AKAP13: variants seen among roughly 807,000 people sequenced by gnomAD.
AKAP13 encodes the protein A-kinase anchoring protein 13.
A neutral mutation model predicts 264.5 loss-of-function variants in AKAP13; 80 were observed. The ratio of observed to expected loss-of-function variants is 0.30; its 90% CI spans 0.25 to 0.36. The LOEUF (loss-of-function observed/expected upper bound fraction) is 0.36. Among genes scored for constraint, AKAP13 ranks in the 10% least tolerant of loss-of-function variants. The probability of loss-of-function intolerance (pLI) is 1.00; values close to 1 mark genes in which losing one functional copy is unlikely to be tolerated. For missense variants in AKAP13, 3,712 were observed against 3,435.2 expected (o/e 1.08, Z -2.01); for synonymous variants, 1,380 against 1,250.2 (o/e 1.10, Z -2.19).
chr15:85,744,161 G>A, intron 36 of AKAP13: 1 of 325,806 alleles, frequency 3.1e-6, no homozygotes, highest in South Asian at 4.1e-5. Context: ...GCTAGCATTT[G>A]GTGATTTAAC....
At chr15:85,564,480 A>G (rs2078533272) in intron 5 of AKAP13, among the ~76,000 whole-genome samples, 1 of 152,244 alleles carries the variant, frequency 6.6e-6, no homozygotes, top group African/African-American at 2.4e-5. Context: ...CAGTGCATTT[A>G]TCAAAATTAG....
chr15:85,609,566 T>C (rs2151386746), intron 8 of AKAP13, among the ~76,000 whole-genome samples: 1 of 152,372 alleles, frequency 6.6e-6, no homozygotes, highest in South Asian at 2.1e-4. Context: ...GCAAACAGTA[T>C]ACTAAACATG....
At chr15:85,740,775 A>ACCCCCCCCCCCCCCCCCCCC (rs34080252) in intron 34 of AKAP13, among the ~76,000 whole-genome samples, 1 of 67,388 alleles carries the variant, frequency 1.5e-5, no homozygotes, top group African/African-American at 7.2e-5. Flanking sequence ...ACACACAACC[A>ACCCCCCCCCCCCCCCCCCCC]CCCCCCCCCC....
rs543707057 is a variant in AKAP13 at position 85,594,689 on chromosome 15, A to G, written c.4161+8866A>G. Among the ~76,000 whole-genome samples, 5 of 152,320 alleles carry G rather than the reference A, an allele frequency of 3.3e-5. No homozygotes were observed. In the South Asian group the frequency reaches 8.3e-4, roughly 25 times the overall value. On this transcript the variant is annotated intron_variant, in intron 8 of 36. Transcript: ENST00000394518. ...CTGCTTGTTTTTGCCTGTAAAAGAG[A>G]AAGTTTCCATAGTAGAAAATTAAAA...
At chr15:85,615,970 A>T (rs1413785696) in intron 8 of AKAP13, among the ~76,000 whole-genome samples, 1 of 152,190 alleles carries the variant, frequency 6.6e-6, no homozygotes, top group Non-Finnish European at 1.5e-5. Context: ...TAGGAAGACA[A>T]AGAACCCTTG....
At chr15:85,508,828 C>G (rs1022369152) in intron 2 of AKAP13, among the ~76,000 whole-genome samples, 1 of 152,126 alleles carries the variant, frequency 6.6e-6, no homozygotes, top group African/African-American at 2.4e-5. Context: ...CCCTTGCACT[C>G]GATATATTCC....
intron 2 of AKAP13, among the ~76,000 whole-genome samples, chr15:85,517,353 T>A (rs2076643376): frequency 6.6e-6 from 1 of 151,798 alleles, no homozygotes; most frequent in Non-Finnish European, 1.5e-5. Flanking sequence ...CATCACACTT[T>A]TTTTTTTCCC....
At chr15:85,471,150 G>T (rs1447365243) in intron 1 of AKAP13, among the ~76,000 whole-genome samples, 1 of 152,176 alleles carries the variant, frequency 6.6e-6, no homozygotes, top group African/African-American at 2.4e-5. Flanking sequence ...AAGCATTACA[G>T]CATTATAAAG....
intron 2 of AKAP13, among the ~76,000 whole-genome samples, chr15:85,518,253 T>C (rs2076682415): frequency 6.6e-6 from 1 of 152,190 alleles, no homozygotes; most frequent in South Asian, 2.1e-4. Context: ...TTCTACTCAT[T>C]TAATCTTTAA....
At chr15:85,619,877 G>C (rs774731690) in intron 8 of AKAP13, 74 of 1,405,382 alleles carry the variant, frequency 5.3e-5, no homozygotes, top group African/African-American at 2.9e-4. Flanking sequence ...TTATCAGCAA[G>C]TTCTCAGTCA....
At chr15:85,460,172 A>G (rs148992739) in intron 1 of AKAP13, among the ~76,000 whole-genome samples, 5 of 152,294 alleles carry the variant, frequency 3.3e-5, no homozygotes, top group African/African-American at 9.6e-5. Context: ...ATATTAGTCT[A>G]TAATTGTTTC....
intron 1 of AKAP13, among the ~76,000 whole-genome samples, chr15:85,413,832 A>G (rs1476813905): frequency 6.6e-6 from 1 of 152,180 alleles, no homozygotes; most frequent in Non-Finnish European, 1.5e-5. Flanking sequence ...ACTCAACTTT[A>G]TATTACATAG....
At chr15:85,686,907 G>A (rs1207767613) in intron 16 of AKAP13, among the ~76,000 whole-genome samples, 1 of 152,116 alleles carries the variant, frequency 6.6e-6, no homozygotes, top group Non-Finnish European at 1.5e-5. Context: ...AATTCAAAAT[G>A]TTTTCATTGT....
rs143308206 is a variant in AKAP13, at chr15:85,626,190, C to G, written c.4162-13184C>G. ...TCTAACTGTGTGGGCTGCCTGACTA[C>G]TTTTCTCTAAACAAGCTTGCATATC... is the stretch of plus-strand genomic sequence containing the variant. On this transcript the variant is annotated intron_variant, in intron 8 of 36. Transcript: ENST00000394518. 6.3e-3 allele frequency among the ~76,000 whole-genome samples: 957 copies of G among 152,324 alleles called. 11 individuals are homozygous for G. Among genetic ancestry groups the G allele is most frequent in the African/African-American group, 0.022 (898 of 41,568 alleles).
chr15:85,520,725 T>G (rs752805910), intron 2 of AKAP13: 2 of 518,602 alleles, frequency 3.9e-6, no homozygotes, highest in African/African-American at 3.9e-5. Context: ...AGACCGAGAG[T>G]TGAACATGTT....
intron 8 of AKAP13, among the ~76,000 whole-genome samples, chr15:85,597,306 G>A (rs2079861459): frequency 6.6e-6 from 1 of 152,144 alleles, no homozygotes; most frequent in Non-Finnish European, 1.5e-5. Flanking sequence ...CATTTGTGAT[G>A]CCCAGGAGCC....
At chr15:85,462,897 A>G (rs7167604) in intron 1 of AKAP13, among the ~76,000 whole-genome samples, 78,296 of 146,698 alleles carry the variant, frequency 0.53, 21,641 homozygotes, top group Admixed American at 0.63. Flanking sequence ...AGTGGCGGGC[A>G]CCTGTAGTCC....
At chr15:85,656,802 G>T (rs2083119739) in intron 11 of AKAP13, among the ~76,000 whole-genome samples, 1 of 152,188 alleles carries the variant, frequency 6.6e-6, no homozygotes, top group Admixed American at 6.5e-5. Flanking sequence ...GATGGTTTTA[G>T]CTTTAAAGAA....
Position 85,718,932 on chromosome 15 carries a change from A to T in AKAP13, c.6002-144A>T, listed in dbSNP as rs1385643957. ...AACAAAAAAACAAAAAAACGAGAACACTTTTAGGGGAAAGATAGCTGTTGA... is the reference window on the plus strand; with the variant it reads ...AACAAAAAAACAAAAAAACGAGAACTCTTTTAGGGGAAAGATAGCTGTTGA... On this transcript the variant is annotated intron_variant, in intron 22 of 36. Transcript: ENST00000394518. This position sits in a 1 kb window ranked among gnomAD's most constrained non-coding sequence, Gnocchi z 4.9. 2 of 1,174,762 alleles carry T rather than the reference A, an allele frequency of 1.7e-6. No homozygotes were observed. Among genetic ancestry groups the T allele is most frequent in the Admixed American group, 5.0e-5 (2 of 39,954 alleles). 72.8% of individuals were successfully genotyped at this position (1,174,762 alleles called of 1,614,324 possible). A position where few individuals can be genotyped will look rare whatever the true frequency, so the allele number is the denominator to read the frequency against.
Sources: allele counts gnomAD v4.1 joint callset (sites outside exome capture counted in the v4.1 genomes callset), GRCh38; gene constraint gnomAD v4.1.1; non-coding constraint Gnocchi (gnomAD v3.1); transcripts MANE v1.5; gene names NCBI Gene and HGNC (gene_info 2026-07-23, HGNC 2026-07-21).